NEK7: variants seen among roughly 807,000 people sequenced by gnomAD.
NEK7 encodes the protein serine/threonine-protein kinase Nek7.
In NEK7, 18 loss-of-function variants were observed where a neutral mutation model predicts 44.6. The observed-to-expected ratio is 0.40, with a 90% CI of 0.28 to 0.60. NEK7 has a LOEUF of 0.60. Ranked by LOEUF, NEK7 falls within the 20% of genes least tolerant of loss-of-function variation. The pLI is 0.38. For missense variants in NEK7, 256 were observed against 366.5 expected (o/e 0.70, Z 2.46); for synonymous variants, 130 against 121.1 (o/e 1.07, Z -0.48).
intron 2 of NEK7, among the ~76,000 whole-genome samples, chr1:198,245,992 G>A (rs1420217874): frequency 6.6e-6 from 1 of 152,140 alleles, no homozygotes; most frequent in African/African-American, 2.4e-5. Flanking sequence ...TCAACAAAGA[G>A]AATATAGCTA....
rs756514279 is a variant in NEK7 at position 198,232,643 on chromosome 1, T to A, written c.57+6T>A. The A allele has an allele frequency of 6.5e-7, 1 of 1,544,290 alleles. No individual in the cohort carries two copies. Among genetic ancestry groups the A allele is most frequent in the Admixed American group, 1.7e-5 (1 of 59,794 alleles). On this transcript the variant is annotated splice_donor_region_variant and intron_variant, in intron 2 of 9. Transcript: ENST00000367385. ...TTCCTCAGTTCCAACCACAGGTAAT[T>A]TATCCTAATTAAGATGGGCAGAACT...
chr1:198,166,161 C>A (rs185769913), intron 1 of NEK7, among the ~76,000 whole-genome samples: 1 of 152,208 alleles, frequency 6.6e-6, no homozygotes, highest in Non-Finnish European at 1.5e-5. Context: ...CTGTCTCAGC[C>A]GTAAGGCTGT....
At chr1:198,209,143 T>C (rs1001325939) in intron 1 of NEK7, among the ~76,000 whole-genome samples, 3 of 83,236 alleles carry the variant, frequency 3.6e-5, no homozygotes, top group Non-Finnish European at 6.5e-5. Context: ...TATGTATGTG[T>C]ATATATATAC....
At chr1:198,246,518 A>G (rs1666840343) in intron 2 of NEK7, among the ~76,000 whole-genome samples, 1 of 152,274 alleles carries the variant, frequency 6.6e-6, no homozygotes. Flanking sequence ...TCAACTGCCA[A>G]AAAACACCGC....
At chr1:198,228,173 G>T (rs1303919758) in intron 1 of NEK7, among the ~76,000 whole-genome samples, 1 of 152,178 alleles carries the variant, frequency 6.6e-6, no homozygotes, top group Admixed American at 6.5e-5. Flanking sequence ...AGATCAGATG[G>T]TTGTAGATAT....
intron 9 of NEK7, among the ~76,000 whole-genome samples, chr1:198,316,538 A>G (rs1372747171): frequency 3.3e-5 from 5 of 152,204 alleles, no homozygotes; most frequent in Non-Finnish European, 5.9e-5. Flanking sequence ...CTGGGCAGCC[A>G]CACTTAATCT....
chr1:198,310,271 A>G (rs1172598564), intron 9 of NEK7, among the ~76,000 whole-genome samples: 1 of 151,934 alleles, frequency 6.6e-6, no homozygotes, highest in African/African-American at 2.4e-5. Context: ...CATGTCCTTC[A>G]CCCACTTTTT....
At chr1:198,264,359 A>G (rs1216550270) in intron 5 of NEK7, 124 bp downstream of exon 5, 3 of 651,456 alleles carry the variant, frequency 4.6e-6, no homozygotes, top group African/African-American at 3.9e-5. Flanking sequence ...CTTATCTGAT[A>G]GATATGTAAC....
intron 1 of NEK7, among the ~76,000 whole-genome samples, chr1:198,163,691 T>C (rs1664177063): frequency 6.6e-6 from 1 of 152,162 alleles, no homozygotes; most frequent in South Asian, 2.1e-4. Flanking sequence ...GATTGGTTTA[T>C]GGAACGAATT....
chr1:198,188,595 G>C (rs992349596), intron 1 of NEK7, among the ~76,000 whole-genome samples: 1 of 152,004 alleles, frequency 6.6e-6, no homozygotes, highest in African/African-American at 2.4e-5. Flanking sequence ...ACATAGAAAG[G>C]GCTCAGGGAC....
chr1:198,198,559 A>G (rs12410074), intron 1 of NEK7, among the ~76,000 whole-genome samples: 15,118 of 152,218 alleles, frequency 0.099, 1,047 homozygotes, highest in South Asian at 0.25. Flanking sequence ...GGTTCTTCCC[A>G]GACAGGATCC....
chr1:198,308,410 G>A (rs1655078736), intron 9 of NEK7, among the ~76,000 whole-genome samples: 2 of 152,140 alleles, frequency 1.3e-5, no homozygotes, highest in African/African-American at 4.8e-5. Context: ...TATCTCAAAT[G>A]TGATGACTTC....
At chr1:198,309,119 A>C (rs1655098459) in intron 9 of NEK7, among the ~76,000 whole-genome samples, 1 of 152,190 alleles carries the variant, frequency 6.6e-6, no homozygotes, top group Non-Finnish European at 1.5e-5. Flanking sequence ...GAACAGAGTT[A>C]AGTTCCACGT....
At position 198,233,199 on chromosome 1, in the gene NEK7, A is replaced by G. The variant is rs79125899; in HGVS notation, c.57+562A>G. On this transcript the variant is annotated intron_variant, in intron 2 of 9. Coordinates refer to ENST00000367385, the MANE Select transcript of NEK7 (RefSeq NM_133494.3). ...CTTGCCTTGCCCACAGCTGCCTTCC[A>G]TGATGGTGACTTTTCTCTCCCTATC... 1.3e-4 allele frequency among the ~76,000 whole-genome samples: 20 copies of G among 151,926 alleles called. No homozygotes were observed. The East Asian group carries it at 3.7e-3, about 28-fold the overall frequency.
chr1:198,314,833 C>G lies in NEK7; in HGVS notation c.799-4579C>G, dbSNP rs185642375. Reference sequence around the variant, plus strand: ...CTGCTGGGAGAACCACTGCTCTCTTCAAAGCTGTCAGACAGGGACATTTAA... The same window carrying G: ...CTGCTGGGAGAACCACTGCTCTCTTGAAAGCTGTCAGACAGGGACATTTAA... On this transcript the variant is annotated intron_variant, in intron 9 of 9. Coordinates refer to ENST00000367385, the MANE Select transcript of NEK7 (RefSeq NM_133494.3). Among the ~76,000 whole-genome samples the G allele has an allele frequency of 8.5e-5, 13 of 152,304 alleles. No homozygotes were observed. The East Asian group carries it at 2.5e-3, about 29-fold the overall frequency.
intron 1 of NEK7, among the ~76,000 whole-genome samples, chr1:198,178,451 G>A (rs1664666386): frequency 6.6e-6 from 1 of 151,978 alleles, no homozygotes; most frequent in Non-Finnish European, 1.5e-5. Context: ...GTCGAATATT[G>A]ACCAGACTGT....
intron 1 of NEK7, among the ~76,000 whole-genome samples, chr1:198,193,096 A>T (rs1354010188): frequency 6.6e-6 from 1 of 152,040 alleles, no homozygotes; most frequent in Non-Finnish European, 1.5e-5. Context: ...GAAGAATCAA[A>T]TAGACACAAT....
chr1:198,219,523 G>C (rs1666025905), intron 1 of NEK7, among the ~76,000 whole-genome samples: 1 of 150,568 alleles, frequency 6.6e-6, no homozygotes, highest in Non-Finnish European at 1.5e-5. Context: ...AAGGCATACA[G>C]TGTGAGTTAA....
intron 2 of NEK7, among the ~76,000 whole-genome samples, chr1:198,252,277 G>A (rs1306132732): frequency 6.6e-6 from 1 of 151,756 alleles, no homozygotes; most frequent in African/African-American, 2.4e-5. Flanking sequence ...CATTTGTTGA[G>A]GAGAGCTTTA....
Sources: allele counts gnomAD v4.1 joint callset (sites outside exome capture counted in the v4.1 genomes callset), GRCh38; gene constraint gnomAD v4.1.1; transcripts MANE v1.5; gene names NCBI Gene and HGNC (gene_info 2026-07-23, HGNC 2026-07-21).